Variants in SQLE observed in about 807,000 individuals in gnomAD.
The protein encoded by SQLE is squalene monooxygenase.
Under a neutral mutation model 60.7 loss-of-function variants are expected in SQLE, and 29 were observed. The ratio of observed to expected loss-of-function variants is 0.48; its 90% confidence interval spans 0.36 to 0.65. SQLE has a LOEUF of 0.65. Ranked by LOEUF, SQLE falls within the 30% of genes least tolerant of loss-of-function variation. The pLI, the probability that SQLE is intolerant of heterozygous loss-of-function variation, is 0.00. For synonymous variants in SQLE, 237 were observed against 246.8 expected (o/e 0.96, Z 0.37); for missense variants, 605 against 684.1 (o/e 0.88, Z 1.29).
At chr8:125,003,562 A>G in intron 2 of SQLE, 134 bp downstream of exon 2, 1 of 1,097,780 alleles carries the variant, frequency 9.1e-7, no homozygotes, top group Non-Finnish European at 1.3e-6. Context: ...TTTACCAACA[A>G]ATTTGCATGA....
At position 124,999,279 on chromosome 8, in the gene SQLE, A is replaced by C. The variant is rs1814800894; in HGVS notation, c.-125A>C. ...CTGATCGGACTTCTCGTCCTGGGAC[A>C]CTGTTTACTGGAGTCTGGCCGGCTC... On this transcript the variant is annotated 5_prime_UTR_variant, in exon 1 of 11. Transcript: ENST00000265896. The C allele has an allele frequency of 1.1e-6, 1 of 881,696 alleles. No individual in the cohort carries two copies. Among genetic ancestry groups the C allele is most frequent in the African/African-American group, 1.7e-5 (1 of 57,302 alleles). 54.6% of individuals were successfully genotyped at this position (881,696 alleles called of 1,614,324 possible). A position where few individuals can be genotyped will look rare whatever the true frequency, so the allele number is the denominator to read the frequency against.
At position 125,018,098 on chromosome 8, in the gene SQLE, C is replaced by A; in HGVS notation, c.1244C>A (p.Pro415Gln). 1 of 1,613,862 alleles carries A rather than the reference C, an allele frequency of 6.2e-7. No individual in the cohort carries two copies. The highest frequency in any genetic ancestry group is 8.5e-7 in the Non-Finnish European group (1 of 1,179,862). Reference sequence around the variant, plus strand: ...GGAGACGCATATAATATGAGGCATCCACTTACTGGTGGAGGAATGACTGTT... The same window carrying A: ...GGAGACGCATATAATATGAGGCATCAACTTACTGGTGGAGGAATGACTGTT... Reference protein sequence around the residue: ...LLGDAYNMRHPLTGGGMTVAF... With the variant: ...LLGDAYNMRHQLTGGGMTVAF... Residue 415 changes from proline to glutamine, a missense_variant, in exon 8 of 11, where the codon CCA (proline) becomes CAA (glutamine). Transcript: ENST00000265896.
chr8:125,022,238 T>C lies in SQLE; in HGVS notation c.*293T>C. The stretch of plus-strand genomic sequence containing the variant: ...ACTACAGTTTTTCTTTTGAATTTAG[T>C]ATTTGAGATGAGTTGTTGGGACATG... On this transcript the variant is annotated 3_prime_UTR_variant, in exon 11 of 11. Coordinates refer to ENST00000265896, the MANE Select transcript of SQLE (RefSeq NM_003129.4). 1 of 194,396 alleles carries C rather than the reference T, an allele frequency of 5.1e-6. No homozygotes were observed. The highest frequency in any genetic ancestry group is 1.0e-5 in the Non-Finnish European group (1 of 95,966). 12.0% of individuals were successfully genotyped at this position (194,396 alleles called of 1,614,324 possible). A position where few individuals can be genotyped will look rare whatever the true frequency, so the allele number is the denominator to read the frequency against.
intron 7 of SQLE, among the ~76,000 whole-genome samples, chr8:125,017,041 C>G (rs1304717281): frequency 6.6e-6 from 1 of 152,072 alleles, no homozygotes; most frequent in African/African-American, 2.4e-5. Flanking sequence ...CTGTGGCCAC[C>G]ATGACTGGCG....
intron 1 of SQLE, among the ~76,000 whole-genome samples, chr8:125,002,909 A>G (rs186006015): frequency 7.3e-4 from 111 of 152,342 alleles, no homozygotes; most frequent in African/African-American, 2.7e-3. Context: ...ATATGTCTGT[A>G]TAACATTTTC....
chr8:125,015,212 A>T (rs1242972892), intron 7 of SQLE, among the ~76,000 whole-genome samples: 1 of 152,054 alleles, frequency 6.6e-6, no homozygotes, highest in Non-Finnish European at 1.5e-5. Context: ...TGTAAATATC[A>T]CTATGCTCTT....
At chr8:125,013,756 T>G (rs533102177) in intron 7 of SQLE, among the ~76,000 whole-genome samples, 1 of 152,218 alleles carries the variant, frequency 6.6e-6, no homozygotes, top group Admixed American at 6.5e-5. Flanking sequence ...GAGGAAGGGG[T>G]CCAGCTTGAT....
Position 125,003,549 on chromosome 8 carries a change from T to G in SQLE, c.544+121T>G, listed in dbSNP as rs1814898510. 2.4e-6 allele frequency: 3 copies of G among 1,226,028 alleles called. No homozygotes were observed. In the African/African-American group the frequency reaches 4.6e-5, roughly 19 times the overall value. The allele number at this position is 1,226,028 out of a possible 1,614,324, so 75.9% of individuals were successfully genotyped here. A position where few individuals can be genotyped will look rare whatever the true frequency, so the allele number is the denominator to read the frequency against. Reference sequence around the variant, plus strand: ...TTTTCATTTATAAAATTTTCTATACTCATTTACCAACAAATTTGCATGAAA... The same window carrying G: ...TTTTCATTTATAAAATTTTCTATACGCATTTACCAACAAATTTGCATGAAA... On this transcript the variant is annotated intron_variant, in intron 2 of 10. Transcript: ENST00000265896.
At position 124,999,556 on chromosome 8, in the gene SQLE, G is replaced by A. The variant is rs369933894; in HGVS notation, c.153G>A (p.Gly51=). ...CCTACCGCTGTCGCCACCGAAACGG[G>A]GGTCTCCTCGGGCGCCAGCAGAGCG... ...VLSYRCRHRN[G]GLLGRQQSGS... The change falls in exon 1 of 11, where the codon GGG becomes GGA. Residue 51 remains glycine, a synonymous_variant. Coordinates refer to ENST00000265896, the MANE Select transcript of SQLE (RefSeq NM_003129.4). 65 of 1,613,206 alleles carry A rather than the reference G, an allele frequency of 4.0e-5. No individual in the cohort carries two copies. The African/African-American group carries it at 7.9e-4, about 20-fold the overall frequency.
chr8:125,018,709 T>C lies in SQLE; in HGVS notation c.1426T>C (p.Leu476=), dbSNP rs770467279. 1 of 1,602,190 alleles carries C rather than the reference T, an allele frequency of 6.2e-7. No individual in the cohort carries two copies. Among genetic ancestry groups the C allele is most frequent in the Non-Finnish European group, 8.5e-7 (1 of 1,176,062 alleles). Residue 476 remains leucine, a synonymous_variant, in exon 9 of 11, where the codon TTA becomes CTA. Transcript: ENST00000265896. ...TATCCTTGCTCAGGCTCTTTATGAA[T>C]TATTTTCTGCCACAGATGGTAAGTG... The part of the protein sequence containing the change: ...VNILAQALYE[L]FSATDDSLHQ...
chr8:125,009,309 A>G lies in SQLE; in HGVS notation c.1074A>G (p.Glu358=). The part of the protein sequence containing the change: ...IRGEMPRNLR[E]YMVEKIYPQI... ...GAGAAATGCCAAGGAATTTAAGAGA[A>G]TACATGGTTGAAAAAATTTACCCAC... Residue 358 remains glutamate, a synonymous_variant, in exon 6 of 11, where the codon GAA becomes GAG. Transcript: ENST00000265896. The G allele has an allele frequency of 6.2e-7, 1 of 1,612,306 alleles. No homozygotes were observed. Among genetic ancestry groups the G allele is most frequent in the Non-Finnish European group, 8.5e-7 (1 of 1,179,520 alleles).
intron 1 of SQLE, chr8:125,000,112 A>T (rs1814819152): frequency 2.2e-6 from 1 of 453,792 alleles, no homozygotes; most frequent in Non-Finnish European, 4.4e-6. Flanking sequence ...TGACTGGGGA[A>T]AGTGACAGAA....
At position 125,005,647 on chromosome 8, in the gene SQLE, G is replaced by A; in HGVS notation, c.667G>A (p.Ala223Thr). 2 of 1,608,378 alleles carry A rather than the reference G, an allele frequency of 1.2e-6. No homozygotes were observed. The highest frequency in any genetic ancestry group is 1.7e-6 in the Non-Finnish European group (2 of 1,176,308). The change falls in exon 3 of 11, where the codon GCT becomes ACT. Residue 223 changes from alanine (A) to threonine (T), a missense_variant. By Grantham distance (58) the Ala-to-Thr change is moderately conservative. Transcript: ENST00000265896. Reference sequence around the variant, plus strand: ...AAACAATCAAGTGCAGAGTGGAAGAGCTTTCCATCACGGAAGATTCATCAT... The same window carrying A: ...AAACAATCAAGTGCAGAGTGGAAGAACTTTCCATCACGGAAGATTCATCAT... ...SENNQVQSGR[A>T]FHHGRFIMSL... is the part of the protein sequence containing the mutation.
intron 7 of SQLE, among the ~76,000 whole-genome samples, chr8:125,015,706 C>T (rs74982169): frequency 0.028 from 4,243 of 152,220 alleles, 121 homozygotes; most frequent in South Asian, 0.16. Context: ...TTTGTACCTT[C>T]ATGTAATTGC....
chr8:125,020,369 G>A (rs760877499), intron 9 of SQLE, among the ~76,000 whole-genome samples: 3 of 152,192 alleles, frequency 2.0e-5, no homozygotes, highest in African/African-American at 7.2e-5. Context: ...ATTATTTATC[G>A]CTACTCACAG....
intron 10 of SQLE, 41 bp from the exon 11 acceptor site, chr8:125,021,712 A>G: frequency 7.1e-7 from 1 of 1,415,458 alleles, no homozygotes. Context: ...AGTAAATTTT[A>G]GTTTCTGAGT....
chr8:124,999,558 G>T lies in SQLE; in HGVS notation c.155G>T (p.Gly52Val), dbSNP rs781628118. Residue 52 changes from glycine to valine, a missense_variant, in exon 1 of 11, where the codon GGT becomes GTT. Coordinates refer to ENST00000265896, the MANE Select transcript of SQLE (RefSeq NM_003129.4). ...LSYRCRHRNG[G>V]LLGRQQSGSQ... Reference sequence around the variant, plus strand: ...TACCGCTGTCGCCACCGAAACGGGGGTCTCCTCGGGCGCCAGCAGAGCGGC... The same window carrying T: ...TACCGCTGTCGCCACCGAAACGGGGTTCTCCTCGGGCGCCAGCAGAGCGGC... 2 of 1,613,276 alleles carry T rather than the reference G, an allele frequency of 1.2e-6. No homozygotes were observed. The highest frequency in any genetic ancestry group is 1.7e-6 in the Non-Finnish European group (2 of 1,179,618).
At position 125,009,033 on chromosome 8, in the gene SQLE, G is replaced by C. The variant is rs910755675; in HGVS notation, c.885G>C (p.Leu295=). ...TTTTCTCCAAGTTCAGGAAAAGCCT[G>C]GTCTCCAATAAAGTTTCTGTATCAT... ...DGLFSKFRKS[L]VSNKVSVSSH... The change falls in exon 5 of 11, where the codon CTG becomes CTC. Residue 295 remains leucine, a synonymous_variant. Coordinates refer to ENST00000265896, the MANE Select transcript of SQLE (RefSeq NM_003129.4). 2.5e-6 allele frequency: 4 copies of C among 1,603,174 alleles called. No individual in the cohort carries two copies. The highest frequency in any genetic ancestry group is 2.6e-6 in the Non-Finnish European group (3 of 1,175,860).
At chr8:125,011,665 T>G in intron 7 of SQLE, 33 bp downstream of exon 7, 3 of 1,495,966 alleles carry the variant, frequency 2.0e-6, no homozygotes, top group Non-Finnish European at 2.7e-6. Context: ...TATAAAGGAA[T>G]CAGTATTCCA....
Sources: gnomAD v4.1 joint callset for allele counts (sites outside exome capture counted in the v4.1 genomes callset) on GRCh38, gnomAD v4.1.1 for gene constraint, MANE v1.5 for transcripts, NCBI Gene and HGNC (gene_info 2026-07-23, HGNC 2026-07-21) for gene names.